Variants in CEACAM6 observed in about 807,000 individuals in gnomAD.
CEACAM6 encodes cell adhesion molecule CEACAM6.
Under a neutral mutation model 32.4 loss-of-function variants are expected in CEACAM6, and 21 were observed. The observed-to-expected ratio is 0.65, with a 90% CI of 0.46 to 0.93. The LOEUF (loss-of-function observed/expected upper bound fraction) is 0.93. CEACAM6 is among the 40% of genes least tolerant of loss of function. The pLI is 0.00. For synonymous variants in CEACAM6, 184 were observed against 174.4 expected (o/e 1.06, Z -0.43); for missense variants, 406 against 432.2 (o/e 0.94, Z 0.54).
chr19:41,769,234 C>T (rs951186232), intron 5 of CEACAM6, among the ~76,000 whole-genome samples: 7 of 152,266 alleles, frequency 4.6e-5, no homozygotes, highest in Admixed American at 1.3e-4. Flanking sequence ...CATGAACCAC[C>T]GCGCCCAGCC....
In CEACAM6 at chr19:41,766,875, G is replaced by A. The variant is rs376537704; in HGVS notation, c.*40+576G>A. ...CAAAAAATTATTCAGGCATGGTGGCGAGCACCTGTAGTCCCAGCTACTCGG... is the reference window on the plus strand; with the variant it reads ...CAAAAAATTATTCAGGCATGGTGGCAAGCACCTGTAGTCCCAGCTACTCGG... On this transcript the variant is annotated intron_variant, in intron 5 of 5. Coordinates refer to ENST00000199764, the MANE Select transcript of CEACAM6 (RefSeq NM_002483.7). Among the ~76,000 whole-genome samples the A allele has an allele frequency of 9.2e-5, 14 of 151,832 alleles. No individual in the cohort carries two copies. In the East Asian group the frequency reaches 9.7e-4, roughly 10 times the overall value.
At chr19:41,767,178 A>C (rs2072961828) in intron 5 of CEACAM6, among the ~76,000 whole-genome samples, 1 of 152,036 alleles carries the variant, frequency 6.6e-6, no homozygotes, top group African/African-American at 2.4e-5. Context: ...TTTACCCCGG[A>C]TGCACATAGA....
intron 5 of CEACAM6, among the ~76,000 whole-genome samples, chr19:41,767,261 C>T (rs1173467704): frequency 6.6e-6 from 1 of 152,180 alleles, no homozygotes; most frequent in Non-Finnish European, 1.5e-5. Context: ...GACTTACTCA[C>T]ACCCTTCATC....
intron 2 of CEACAM6, 28 bp downstream of exon 2, chr19:41,756,987 G>T (rs782673272): frequency 1.3e-6 from 2 of 1,573,622 alleles, no homozygotes; most frequent in South Asian, 2.4e-5. Flanking sequence ...ACCTCTGGGT[G>T]TTGGGGGTCA....
intron 2 of CEACAM6, among the ~76,000 whole-genome samples, chr19:41,757,570 G>A (rs2072896954): frequency 6.6e-6 from 1 of 152,152 alleles, no homozygotes; most frequent in South Asian, 2.1e-4. Flanking sequence ...AGCATGGAAA[G>A]GACAGATGGA....
intron 3 of CEACAM6, 52 bp from the exon 4 acceptor site, chr19:41,761,917 C>G (rs2072927013): frequency 6.2e-7 from 1 of 1,602,468 alleles, no homozygotes; most frequent in Non-Finnish European, 8.5e-7. Context: ...AGACCAGGAA[C>G]TTATGCTTCC....
chr19:41,765,841 A>T (rs553729332), intron 4 of CEACAM6, among the ~76,000 whole-genome samples: 88 of 152,356 alleles, frequency 5.8e-4, no homozygotes, highest in Admixed American at 1.7e-3. Context: ...ATAGAGCTCC[A>T]ACAGGCTCTT....
At chr19:41,761,642 C>T in intron 3 of CEACAM6, 115 bp downstream of exon 3, 3 of 1,531,086 alleles carry the variant, frequency 2.0e-6, no homozygotes, top group Non-Finnish European at 2.7e-6. Context: ...CCCAGGCTGG[C>T]CATGACTTCC....
At chr19:41,768,751 G>A (rs1224980307) in intron 5 of CEACAM6, among the ~76,000 whole-genome samples, 18 of 142,388 alleles carry the variant, frequency 1.3e-4, no homozygotes, top group East Asian at 4.3e-4. Flanking sequence ...CCTCCCTCCC[G>A]GACGGGGCGG....
At chr19:41,757,859 T>C (rs1568724517) in intron 2 of CEACAM6, 1 of 152,196 alleles carries the variant, frequency 6.6e-6, no homozygotes, top group Non-Finnish European at 1.5e-5. Context: ...ATCCTACTTA[T>C]AGAAAGGAAA....
Position 41,756,682 on chromosome 19 carries a change from G to A in CEACAM6, c.147G>A (p.Lys49=), listed in dbSNP as rs1555821108. 2.4e-5 allele frequency: 39 copies of A among 1,614,146 alleles called. No individual in the cohort carries two copies. Among genetic ancestry groups the A allele is most frequent in the Non-Finnish European group, 3.1e-5 (37 of 1,180,028 alleles). Residue 49 remains lysine, a synonymous_variant, in exon 2 of 6, where the codon AAG becomes AAA. Transcript: ENST00000199764. ...CGCCGTTCAATGTCGCAGAGGGGAAGGAGGTTCTTCTACTCGCCCACAACC... is the reference window on the plus strand; with the variant it reads ...CGCCGTTCAATGTCGCAGAGGGGAAAGAGGTTCTTCTACTCGCCCACAACC... ...ESTPFNVAEG[K]EVLLLAHNLP...
rs183824935 is a variant in CEACAM6 at position 41,767,557 on chromosome 19, G to A, written c.*40+1258G>A. Among the ~76,000 whole-genome samples the A allele has an allele frequency of 1.2e-4, 18 of 152,220 alleles. No individual in the cohort carries two copies. In the East Asian group the frequency reaches 2.3e-3, roughly 20 times the overall value. On this transcript the variant is annotated intron_variant, in intron 5 of 5. Transcript: ENST00000199764. ...TATAGCTACACATTGGAATCACTCC[G>A]AAACATTTTTAAAAACGGATGCTCA...
In CEACAM6 at chr19:41,768,732, A is replaced by AC. The variant is rs562659767; in HGVS notation, c.*41-2063dup. Among the ~76,000 whole-genome samples, 10 of 143,690 alleles carry AC rather than the reference A, an allele frequency of 7.0e-5. No individual in the cohort carries two copies. The East Asian group carries it at 1.0e-3, about 15-fold the overall frequency. 94.3% of individuals were successfully genotyped at this position (143,690 alleles called of 152,430 possible). A position where few individuals can be genotyped will look rare whatever the true frequency, so the allele number is the denominator to read the frequency against. Reference sequence around the variant, plus strand: ...GGGCGGCTGGCCGGGCGGGGGGCTGACCCCCCCACCTCCCTCCCGGACGGG... The same window carrying AC: ...GGGCGGCTGGCCGGGCGGGGGGCTGACCCCCCCCACCTCCCTCCCGGACGGG... On this transcript the variant is annotated intron_variant, in intron 5 of 5. Transcript: ENST00000199764.
In CEACAM6 at chr19:41,756,919, T is replaced by C; in HGVS notation, c.384T>C (p.Asp128=). Residue 128 remains aspartate, a synonymous_variant, in exon 2 of 6, where the codon GAT becomes GAC. Coordinates refer to ENST00000199764, the MANE Select transcript of CEACAM6 (RefSeq NM_002483.7). ...GFYTLQVIKS[D]LVNEEATGQF... ...ATACCCTACAAGTCATAAAGTCAGA[T>C]CTTGTGAATGAAGAAGCAACCGGAC... 6.2e-7 allele frequency: 1 copy of C among 1,613,344 alleles called. No individual in the cohort carries two copies. The highest frequency in any genetic ancestry group is 8.5e-7 in the Non-Finnish European group (1 of 1,179,560).
chr19:41,756,612 C>T lies in CEACAM6; in HGVS notation c.77C>T (p.Thr26Ile). 1.2e-6 allele frequency: 2 copies of T among 1,613,748 alleles called. No homozygotes were observed. The highest frequency in any genetic ancestry group is 1.7e-6 in the Non-Finnish European group (2 of 1,179,790). Residue 26 changes from threonine to isoleucine, a missense_variant, in exon 2 of 6, where the codon ACC becomes ATC. Thr to Ile is a moderately conservative substitution (Grantham distance 89). Coordinates refer to ENST00000199764, the MANE Select transcript of CEACAM6 (RefSeq NM_002483.7). ...TCCTCTCTCCTAGCCTCACTTCTAACCTTCTGGAACCCACCCACCACTGCC... is the reference window on the plus strand; with the variant it reads ...TCCTCTCTCCTAGCCTCACTTCTAATCTTCTGGAACCCACCCACCACTGCC... Reference protein sequence around the residue: ...KEVLLTASLLTFWNPPTTAKL... With the variant: ...KEVLLTASLLIFWNPPTTAKL...
At chr19:41,766,040 G>C (rs1600499756) in intron 4 of CEACAM6, 143 bp from the exon 5 acceptor site, 2 of 480,202 alleles carry the variant, frequency 4.2e-6, no homozygotes, top group East Asian at 7.1e-5. Context: ...CGTGGTAAGA[G>C]AGAAAAAAAA....
At chr19:41,765,144 C>A (rs2072949113) in intron 4 of CEACAM6, among the ~76,000 whole-genome samples, 1 of 152,180 alleles carries the variant, frequency 6.6e-6, no homozygotes, top group South Asian at 2.1e-4. Context: ...AATTCTAAAT[C>A]CACTTGTCAC....
chr19:41,756,959 C>G lies in CEACAM6; in HGVS notation c.424C>G (p.Pro142Ala). 1 of 1,596,346 alleles carries G rather than the reference C, an allele frequency of 6.3e-7. No homozygotes were observed. Among genetic ancestry groups the G allele is most frequent in the South Asian group, 1.1e-5 (1 of 88,416 alleles). Residue 142 changes from proline to alanine, a missense_variant and splice_region_variant, in exon 2 of 6, where the codon CCG (proline) becomes GCG (alanine). Pro to Ala is a conservative substitution (Grantham distance 27). Coordinates refer to ENST00000199764, the MANE Select transcript of CEACAM6 (RefSeq NM_002483.7). ...AGCAACCGGACAGTTCCATGTATAC[C>G]GTGAGTATTTCCACATGACCTCTGG... Reference protein sequence around the residue: ...EEATGQFHVYPELPKPSISSN... With the variant: ...EEATGQFHVYAELPKPSISSN...
chr19:41,768,910 T>C (rs868919757), intron 5 of CEACAM6, among the ~76,000 whole-genome samples: 4 of 152,312 alleles, frequency 2.6e-5, no homozygotes, highest in African/African-American at 4.8e-5. Flanking sequence ...TGACAATTGT[T>C]TTTTGTTTTG....
Sources: gnomAD v4.1 joint callset for allele counts (sites outside exome capture counted in the v4.1 genomes callset) on GRCh38, gnomAD v4.1.1 for gene constraint, MANE v1.5 for transcripts, NCBI Gene and HGNC (gene_info 2026-07-23, HGNC 2026-07-21) for gene names.